Variants in GADL1 observed in about 807,000 individuals in gnomAD.
GADL1 encodes acidic amino acid decarboxylase GADL1.
GADL1 carries 71 observed loss-of-function variants against 69.5 expected under a neutral mutation model. The observed-to-expected ratio is 1.02, with a 90% CI of 0.84 to 1.25. GADL1 has a LOEUF of 1.25. GADL1 is among the 50% of genes most tolerant of loss of function. GADL1 has a pLI of 0.00. For synonymous variants in GADL1, 254 were observed against 214.4 expected (o/e 1.18, Z -1.62); for missense variants, 737 against 631.8 (o/e 1.17, Z -1.79).
chr3:30,880,402 ATGG>A (rs1288473751), intron 1 of GADL1, among the ~76,000 whole-genome samples: 1 of 151,832 alleles, frequency 6.6e-6, no homozygotes, highest in African/African-American at 2.4e-5. Flanking sequence ...TAATTGAATC[ATGG>A]GAGTGGGTTT....
In GADL1 at chr3:30,817,046, G is replaced by T. The variant is rs139894406; in HGVS notation, c.1051-15958C>A. Among the ~76,000 whole-genome samples, 38 of 152,168 alleles carry T rather than the reference G, an allele frequency of 2.5e-4. 1 individual carries two copies. The East Asian group carries it at 7.0e-3, about 28-fold the overall frequency. On this transcript the variant is annotated intron_variant, in intron 11 of 14. Coordinates refer to ENST00000282538, the MANE Select transcript of GADL1 (RefSeq NM_207359.3). ...TGCCCATACCCCAGTGACCTAAAAT[G>T]AACCGTAGACATTTTCTTTCTCCCC...
rs199563436 is a variant in GADL1 at position 30,782,048 on chromosome 3, A to C, written c.1303-3780T>G. ...TATTGACTAGGCATCAGGACAAGAA[A>C]ATGACACTTTCTGAACTTGGAATGA... On this transcript the variant is annotated intron_variant, in intron 13 of 14. Coordinates refer to ENST00000282538, the MANE Select transcript of GADL1 (RefSeq NM_207359.3). 2.0e-5 allele frequency among the ~76,000 whole-genome samples: 3 copies of C among 152,344 alleles called. No homozygotes were observed. The East Asian group carries it at 5.8e-4, about 29-fold the overall frequency.
intron 14 of GADL1, among the ~76,000 whole-genome samples, chr3:30,764,153 A>G (rs550331511): frequency 2.4e-5 from 3 of 123,932 alleles, no homozygotes; most frequent in South Asian, 4.9e-4. Context: ...GCTTTACTGA[A>G]GTGATTTTAT....
chr3:30,741,620 A>T (rs1695627694), intron 14 of GADL1, among the ~76,000 whole-genome samples: 1 of 152,136 alleles, frequency 6.6e-6, no homozygotes, highest in Admixed American at 6.6e-5. Context: ...CTCCTAGAGG[A>T]CATCCAGAAG....
Position 30,885,368 on chromosome 3 carries a change from A to G in GADL1, c.37+9210T>C, listed in dbSNP as rs78008533. On this transcript the variant is annotated intron_variant, in intron 1 of 14. Coordinates refer to ENST00000282538, the MANE Select transcript of GADL1 (RefSeq NM_207359.3). ...TTCCAATGTAAGAATTTTTTAAACA[A>G]TAGAATGACATTCATGCCTGTATAA... 0.014 allele frequency among the ~76,000 whole-genome samples: 2,122 copies of G among 152,248 alleles called. 101 individuals carry two copies. The East Asian group carries it at 0.17, about 12-fold the overall frequency.
intron 14 of GADL1, among the ~76,000 whole-genome samples, chr3:30,730,316 G>A (rs1411589093): frequency 6.6e-6 from 1 of 152,150 alleles, no homozygotes; most frequent in Non-Finnish European, 1.5e-5. Flanking sequence ...GCCAAAAAAA[G>A]TGATTTTTGT....
chr3:30,857,077 C>T lies in GADL1; in HGVS notation c.275G>A (p.Gly92Asp), dbSNP rs1203208815. ...QLLDLEMRDS[G>D]EPPHKLLELC... ...TTCCAATAGTTTATGGGGTGGCTCGCCTGAGTCTCTCATCTCCAAATCAAG... is the reference window on the plus strand; with the variant it reads ...TTCCAATAGTTTATGGGGTGGCTCGTCTGAGTCTCTCATCTCCAAATCAAG... Residue 92 changes from glycine (G) to aspartate (D), a missense_variant, in exon 3 of 15, where the codon GGC (glycine) becomes GAC (aspartate). Physicochemically the swap from Gly to Asp is moderately conservative, Grantham distance 94 (BLOSUM62 -1). Transcript: ENST00000282538. 1.3e-6 allele frequency: 2 copies of T among 1,549,934 alleles called. No individual in the cohort carries two copies. The highest frequency in any genetic ancestry group is 1.4e-5 in the African/African-American group (1 of 73,018).
intron 11 of GADL1, among the ~76,000 whole-genome samples, chr3:30,833,430 G>A (rs1339227911): frequency 1.3e-5 from 2 of 152,062 alleles, no homozygotes; most frequent in African/African-American, 4.8e-5. Context: ...GGGCTGTTAA[G>A]CCCTAGCTAA....
At chr3:30,861,974 T>A (rs186783807) in intron 1 of GADL1, among the ~76,000 whole-genome samples, 1 of 151,970 alleles carries the variant, frequency 6.6e-6, no homozygotes, top group Non-Finnish European at 1.5e-5. Flanking sequence ...TCACAATTTA[T>A]GGATTAAGTA....
chr3:30,878,227 G>A (rs1698602189), intron 1 of GADL1, among the ~76,000 whole-genome samples: 1 of 151,802 alleles, frequency 6.6e-6, no homozygotes, highest in Admixed American at 6.6e-5. Flanking sequence ...ATGATTCTAT[G>A]GCTAAAGCCT....
chr3:30,844,360 C>A, intron 7 of GADL1, 27 bp downstream of exon 7: 5 of 1,589,346 alleles, frequency 3.1e-6, no homozygotes, highest in Non-Finnish European at 4.3e-6. Context: ...CTCCACCCAC[C>A]AGGCTTCCAG....
intron 14 of GADL1, among the ~76,000 whole-genome samples, chr3:30,733,389 C>T (rs974809017): frequency 5.3e-5 from 8 of 152,118 alleles, no homozygotes; most frequent in Admixed American, 3.9e-4. Context: ...TTTCCTCCCA[C>T]GTAATCTGGG....
At chr3:30,797,933 G>T (rs1697079229) in intron 12 of GADL1, 1 of 152,102 alleles carries the variant, frequency 6.6e-6, no homozygotes. Context: ...TTTGGCTATG[G>T]CCTGTCCACC....
At position 30,727,878 on chromosome 3, in the gene GADL1, G is replaced by A. The variant is rs1326668417; in HGVS notation, c.*364C>T. The A allele has an allele frequency of 6.3e-6, 1 of 158,170 alleles. No individual in the cohort carries two copies. The highest frequency in any genetic ancestry group is 1.4e-5 in the Non-Finnish European group (1 of 71,888). 9.8% of individuals were successfully genotyped at this position (158,170 alleles called of 1,614,324 possible). On this transcript the variant is annotated 3_prime_UTR_variant, in exon 15 of 15. Coordinates refer to ENST00000282538, the MANE Select transcript of GADL1 (RefSeq NM_207359.3). ...GTGATGCTTTGATGCTGATAGTCCA[G>A]GGACCACACTTTGAGAACCACTGCT... is the stretch of plus-strand genomic sequence containing the variant.
rs1219695492 is a variant in GADL1, at chr3:30,727,809, G to C, written c.*433C>G. ...ACCCCCAGAGCTTCTGATCCAGTTG[G>C]TCTAGAGAAAGCCTGAGAATCTGCA... On this transcript the variant is annotated 3_prime_UTR_variant, in exon 15 of 15. Transcript: ENST00000282538. 6.5e-6 allele frequency: 1 copy of C among 153,186 alleles called. No individual in the cohort carries two copies. The highest frequency in any genetic ancestry group is 1.5e-5 in the Non-Finnish European group (1 of 68,782). The allele number at this position is 153,186 out of a possible 1,614,324, so 9.5% of individuals were successfully genotyped here.
At chr3:30,834,838 A>G (rs536243739) in intron 9 of GADL1, among the ~76,000 whole-genome samples, 1 of 152,282 alleles carries the variant, frequency 6.6e-6, no homozygotes, top group African/African-American at 2.4e-5. Context: ...GAAGTTATCC[A>G]CTGGAGAAGT....
chr3:30,856,407 C>T (rs967446001), intron 3 of GADL1, among the ~76,000 whole-genome samples: 2 of 152,024 alleles, frequency 1.3e-5, no homozygotes, highest in African/African-American at 4.8e-5. Context: ...ACTGCACGTA[C>T]AAAGTTCACA....
At chr3:30,824,526 A>C (rs925670583) in intron 11 of GADL1, among the ~76,000 whole-genome samples, 7 of 151,620 alleles carry the variant, frequency 4.6e-5, no homozygotes, top group African/African-American at 1.7e-4. Flanking sequence ...TTTTTATAAA[A>C]GCCTTGAAAT....
At chr3:30,867,793 G>C (rs1046986754) in intron 1 of GADL1, among the ~76,000 whole-genome samples, 2 of 151,904 alleles carry the variant, frequency 1.3e-5, no homozygotes, top group African/African-American at 4.8e-5. Context: ...GGGTAATTGG[G>C]GGCCTCAAAG....
Sources: allele counts gnomAD v4.1 joint callset (sites outside exome capture counted in the v4.1 genomes callset), GRCh38; gene constraint gnomAD v4.1.1; transcripts MANE v1.5; gene names NCBI Gene and HGNC (gene_info 2026-07-23, HGNC 2026-07-21).